Variants in RNF150 observed in about 807,000 individuals in gnomAD.
RNF150 encodes ring finger protein 150.
RNF150 carries 24 observed loss-of-function variants against 39.3 expected under a neutral mutation model. The ratio of observed to expected loss-of-function variants is 0.61; its 90% CI spans 0.44 to 0.86. The LOEUF (loss-of-function observed/expected upper bound fraction) is 0.86, where lower values mean the gene tolerates loss of function less well. Ranked by LOEUF, RNF150 falls within the 40% of genes least tolerant of loss-of-function variation. The pLI is 0.00. For missense variants in RNF150, 502 were observed against 587.8 expected (o/e 0.85, Z 1.51); for synonymous variants, 255 against 227.3 (o/e 1.12, Z -1.10).
chr4:141,135,071 T>C (rs766468195), upstream of RNF150, among the ~76,000 whole-genome samples: 1 of 152,230 alleles, frequency 6.6e-6, no homozygotes, highest in Non-Finnish European at 1.5e-5. Context: ...TACAGGGCCA[T>C]TGGGCTAATA....
In RNF150 at chr4:141,019,080, A is replaced by ATG. The variant is rs1553937692; in HGVS notation, c.485-51209_485-51208dup. Among the ~76,000 whole-genome samples, 359 of 136,750 alleles carry ATG rather than the reference A, an allele frequency of 2.6e-3. 24 individuals are homozygous for ATG. Among genetic ancestry groups the ATG allele is most frequent in the East Asian group, 0.021 (91 of 4,294 alleles). 89.7% of individuals were successfully genotyped at this position (136,750 alleles called of 152,430 possible). On this transcript the variant is annotated intron_variant, in intron 1 of 6. Transcript: ENST00000515673. The stretch of plus-strand genomic sequence containing the variant: ...TATATATATATATATATATATATAT[A>ATG]TGGAACTTTACACAAAAGAATGTTA...
chr4:141,076,203 G>A (rs1560724641), intron 1 of RNF150, among the ~76,000 whole-genome samples: 1 of 152,104 alleles, frequency 6.6e-6, no homozygotes, highest in African/African-American at 2.4e-5. Context: ...GTATCTTCCA[G>A]ACCTTGCATG....
chr4:140,958,107 G>A (rs1312567859), intron 2 of RNF150, among the ~76,000 whole-genome samples: 1 of 152,092 alleles, frequency 6.6e-6, no homozygotes, highest in Non-Finnish European at 1.5e-5. Context: ...CTTACATAGT[G>A]TTTACATTAG....
At chr4:140,972,247 A>T (rs891754410) in intron 1 of RNF150, among the ~76,000 whole-genome samples, 2 of 152,088 alleles carry the variant, frequency 1.3e-5, no homozygotes, top group African/African-American at 4.8e-5. Flanking sequence ...AAATTATTTT[A>T]AAAACTGCAA....
intron 1 of RNF150, among the ~76,000 whole-genome samples, chr4:141,084,439 C>T (rs1190918903): frequency 1.3e-5 from 2 of 152,078 alleles, no homozygotes; most frequent in African/African-American, 4.8e-5. Flanking sequence ...ACTAGGAATA[C>T]AATATTTCAA....
chr4:141,142,247 C>A (rs1343529354), intron 1 of RNF150, among the ~76,000 whole-genome samples: 2 of 152,140 alleles, frequency 1.3e-5, no homozygotes. Flanking sequence ...CTACTTTTAC[C>A]CCAATGTATC....
chr4:141,089,871 T>G (rs1398817512), intron 1 of RNF150, among the ~76,000 whole-genome samples: 2 of 152,242 alleles, frequency 1.3e-5, no homozygotes, highest in Admixed American at 6.5e-5. Flanking sequence ...CATAGAGTTC[T>G]GCTCTCAGGC....
At chr4:141,201,655 A>G (rs560776903) in intron 1 of RNF150, among the ~76,000 whole-genome samples, 1 of 152,218 alleles carries the variant, frequency 6.6e-6, no homozygotes, top group Admixed American at 6.5e-5. Context: ...CAAAGCCTCA[A>G]GGACCTCTTA....
At chr4:140,962,945 C>A (rs1223393935) in intron 2 of RNF150, among the ~76,000 whole-genome samples, 1 of 151,794 alleles carries the variant, frequency 6.6e-6, no homozygotes, top group Non-Finnish European at 1.5e-5. Context: ...AAAAGCAGAA[C>A]ATAAAACATA....
chr4:140,899,974 C>CTCTCTGTGTGTGTGTGTGTGTGTG (rs1365683071), intron 6 of RNF150, among the ~76,000 whole-genome samples: 1 of 69,220 alleles, frequency 1.4e-5, no homozygotes, highest in African/African-American at 4.3e-5. Flanking sequence ...CTCTCTCTCT[C>CTCTCTGTGTGTGTGTGTGTGTGTG]TGTGTGTGTG....
intron 1 of RNF150, among the ~76,000 whole-genome samples, chr4:141,199,146 GA>G (rs1322018046): frequency 6.6e-6 from 1 of 152,108 alleles, no homozygotes; most frequent in African/African-American, 2.4e-5. Flanking sequence ...ATCATTTAGA[GA>G]AATGCACATT....
Position 141,132,933 on chromosome 4 carries a change from G to GGCCGCGGCCGGGACGCGCAGCC in RNF150, c.-147_-126dup. ...CTGCTGCTCACTCCCGGGCCGGAGG[G>GGCCGCGGCCGGGACGCGCAGCC]GCCGCGGCCGGGACGCGCAGCCGCC... is the stretch of plus-strand genomic sequence containing the variant. On this transcript the variant is annotated 5_prime_UTR_variant, in exon 1 of 7. The change abolishes the stop of an existing upstream ORF in the 5' untranslated region. Coordinates refer to ENST00000515673, the MANE Select transcript of RNF150 (RefSeq NM_020724.2). The surrounding 1 kb of genome is among the most constrained non-coding windows in gnomAD (Gnocchi z 4.9). The GGCCGCGGCCGGGACGCGCAGCC allele has an allele frequency of 2.7e-6, 2 of 737,336 alleles. No individual in the cohort carries two copies. The highest frequency in any genetic ancestry group is 4.2e-6 in the Non-Finnish European group (2 of 479,214). 45.7% of individuals were successfully genotyped at this position (737,336 alleles called of 1,614,324 possible). A position where few individuals can be genotyped will look rare whatever the true frequency, so the allele number is the denominator to read the frequency against.
At chr4:141,188,189 G>T (rs188039713) in intron 1 of RNF150, among the ~76,000 whole-genome samples, 82 of 152,266 alleles carry the variant, frequency 5.4e-4, no homozygotes, top group South Asian at 8.3e-4. Context: ...CTCTCTTCTG[G>T]CTTGCAGGGT....
chr4:141,065,499 T>G (rs1737419111), intron 1 of RNF150, among the ~76,000 whole-genome samples: 1 of 152,186 alleles, frequency 6.6e-6, no homozygotes, highest in Non-Finnish European at 1.5e-5. Context: ...CAGGGGTAAC[T>G]GCTTAGTTAA....
intron 6 of RNF150, among the ~76,000 whole-genome samples, chr4:140,885,201 C>CTTTTTTTT (rs752444379): frequency 7.7e-6 from 1 of 129,142 alleles, no homozygotes. Flanking sequence ...CAACATCAGT[C>CTTTTTTTT]TTTTTTTTTT....
intron 1 of RNF150, among the ~76,000 whole-genome samples, chr4:141,196,606 G>C (rs1416614105): frequency 6.6e-6 from 1 of 152,198 alleles, no homozygotes; most frequent in African/African-American, 2.4e-5. Context: ...TACAAAGTTA[G>C]AAAGAGTTGG....
chr4:141,000,077 GAA>G (rs1240023613), intron 1 of RNF150, among the ~76,000 whole-genome samples: 1 of 80,526 alleles, frequency 1.2e-5, no homozygotes, highest in African/African-American at 4.9e-5. Context: ...AGAAGAAGAA[GAA>G]GAAGAAGGAG....
At chr4:141,050,942 G>A (rs1198168287) in intron 1 of RNF150, among the ~76,000 whole-genome samples, 4 of 152,188 alleles carry the variant, frequency 2.6e-5, no homozygotes, top group African/African-American at 7.2e-5. Flanking sequence ...TGCCCTAGCC[G>A]AGGTTCTCCC....
chr4:141,197,271 G>C (rs1728216026), intron 1 of RNF150, among the ~76,000 whole-genome samples: 1 of 152,058 alleles, frequency 6.6e-6, no homozygotes, highest in Non-Finnish European at 1.5e-5. Flanking sequence ...GTTGTTTTGA[G>C]TTATGCAATA....
Sources: gnomAD v4.1 joint callset for allele counts (sites outside exome capture counted in the v4.1 genomes callset) on GRCh38, gnomAD v4.1.1 for gene constraint, Gnocchi (gnomAD v3.1) non-coding constraint, MANE v1.5 for transcripts, NCBI Gene and HGNC (gene_info 2026-07-23, HGNC 2026-07-21) for gene names.